The following CNTN6 variants were observed in gnomAD, a reference collection of about 807,000 sequenced individuals.
The protein encoded by CNTN6 is contactin-6.
CNTN6 carries 137 observed loss-of-function variants against 122.8 expected under a neutral mutation model. That is an observed-to-expected ratio of 1.12 (90% CI 0.97 to 1.29). CNTN6 has a LOEUF of 1.29. Among genes scored for constraint, CNTN6 ranks in the 50% most tolerant of loss-of-function variants. The pLI, the probability that CNTN6 is intolerant of heterozygous loss-of-function variation, is 0.00. For synonymous variants in CNTN6, 570 were observed against 426.0 expected, an observed-to-expected ratio of 1.34 and a Z score of -4.16; for missense variants, 1,634 against 1,223.4, an observed-to-expected ratio of 1.34 and a Z score of -5.01.
intron 7 of CNTN6, among the ~76,000 whole-genome samples, chr3:1,313,675 G>A (rs542218016): frequency 2.6e-5 from 4 of 152,170 alleles, no homozygotes; most frequent in East Asian, 1.9e-4. Flanking sequence ...TCCTCCCCAA[G>A]GGAAAGCTGA....
At position 1,373,961 on chromosome 3, in the gene CNTN6, A is replaced by G. The variant is rs762667314; in HGVS notation, c.1983A>G (p.Thr661=). ...EILNGKTYNA[T]VVGLSPWVEY... ...TCAATGGTAAGACATACAATGCAAC[A>G]GTGGTTGGTTTGAGTCCTTGGGTGG... is the stretch of plus-strand genomic sequence containing the variant. The change falls in exon 16 of 23, where the codon ACA becomes ACG. Residue 661 remains threonine, a synonymous_variant. Coordinates refer to ENST00000446702, the MANE Select transcript of CNTN6 (RefSeq NM_001289080.2). 1 of 1,613,178 alleles carries G rather than the reference A, an allele frequency of 6.2e-7. No individual in the cohort carries two copies. The highest frequency in any genetic ancestry group is 1.1e-5 in the South Asian group (1 of 91,042).
chr3:1,218,445 C>A (rs2094158805), intron 2 of CNTN6, among the ~76,000 whole-genome samples: 1 of 151,882 alleles, frequency 6.6e-6, no homozygotes, highest in African/African-American at 2.4e-5. Flanking sequence ...GGAGGCAGAC[C>A]CTAAACAGGG....
intron 6 of CNTN6, among the ~76,000 whole-genome samples, chr3:1,297,508 C>T (rs1336675747): frequency 6.6e-6 from 1 of 152,114 alleles, no homozygotes; most frequent in African/African-American, 2.4e-5. Flanking sequence ...TGAATATTTA[C>T]ATTTTTATCT....
At chr3:1,211,676 C>T (rs1026591921) in intron 2 of CNTN6, among the ~76,000 whole-genome samples, 2 of 152,086 alleles carry the variant, frequency 1.3e-5, no homozygotes, top group African/African-American at 4.8e-5. Flanking sequence ...CTACTTATCT[C>T]AATTTCTGCC....
chr3:1,315,288 C>T (rs1018735841), intron 7 of CNTN6, among the ~76,000 whole-genome samples: 1 of 151,974 alleles, frequency 6.6e-6, no homozygotes, highest in African/African-American at 2.4e-5. Context: ...CTAGTATCAA[C>T]ATGGACAAAC....
intron 16 of CNTN6, among the ~76,000 whole-genome samples, chr3:1,375,474 C>A (rs1356223353): frequency 6.6e-6 from 1 of 152,006 alleles, no homozygotes; most frequent in Non-Finnish European, 1.5e-5. Flanking sequence ...GGCTTAAGTA[C>A]AATTAATTTA....
In CNTN6 at chr3:1,374,905, A is replaced by T. The variant is rs949544706; in HGVS notation, c.2095+832A>T. Reference sequence around the variant, plus strand: ...GGGCTAGAAAAAGGACATACTTGACAGTGATATCATCCAATTAAATCACGC... The same window carrying T: ...GGGCTAGAAAAAGGACATACTTGACTGTGATATCATCCAATTAAATCACGC... On this transcript the variant is annotated intron_variant, in intron 16 of 22. Transcript: ENST00000446702. Among the ~76,000 whole-genome samples the T allele has an allele frequency of 2.6e-5, 4 of 152,130 alleles. No homozygotes were observed. The East Asian group carries it at 7.7e-4, about 29-fold the overall frequency.
chr3:1,375,290 G>T (rs1438442278), intron 16 of CNTN6, among the ~76,000 whole-genome samples: 1 of 151,970 alleles, frequency 6.6e-6, no homozygotes, highest in Non-Finnish European at 1.5e-5. Context: ...AGCAAAGTTT[G>T]TGTGCCACCT....
rs998437546 is a variant in CNTN6 at position 1,382,991 on chromosome 3, T to C, written c.2216T>C (p.Met739Thr). 1 of 1,614,110 alleles carries C rather than the reference T, an allele frequency of 6.2e-7. No homozygotes were observed. Among genetic ancestry groups the C allele is most frequent in the Non-Finnish European group, 8.5e-7 (1 of 1,179,962 alleles). ...GGGGAGGGATTTGGATATATCATCA[T>C]GTTCCGGCCAGTGGGCTCGACAACC... ...QNGEGFGYII[M>T]FRPVGSTTWS... is the part of the protein sequence containing the mutation. Residue 739 changes from methionine to threonine, a missense_variant, in exon 18 of 23, where the codon ATG (methionine) becomes ACG (threonine). Transcript: ENST00000446702.
rs768840573 is a variant in CNTN6, at chr3:1,220,693, G to T, written c.62G>T (p.Gly21Val). 3 of 1,603,112 alleles carry T rather than the reference G, an allele frequency of 1.9e-6. No homozygotes were observed. Among genetic ancestry groups the T allele is most frequent in the South Asian group, 2.3e-5 (2 of 88,414 alleles). Reference protein sequence around the residue: ...LPLINSSAGDGLLSRPIFTQE... With the variant: ...LPLINSSAGDVLLSRPIFTQE... ...TATTCTTTTCTTTTCCCAGGTGATGGTCTTTTAAGCCGTCCTATTTTTACT... is the reference window on the plus strand; with the variant it reads ...TATTCTTTTCTTTTCCCAGGTGATGTTCTTTTAAGCCGTCCTATTTTTACT... Residue 21 changes from glycine (G) to valine (V), a missense_variant, in exon 3 of 23, where the codon GGT becomes GTT. Coordinates refer to ENST00000446702, the MANE Select transcript of CNTN6 (RefSeq NM_001289080.2).
chr3:1,244,940 G>C (rs1460396256), intron 4 of CNTN6, among the ~76,000 whole-genome samples: 1 of 150,270 alleles, frequency 6.7e-6, no homozygotes, highest in Non-Finnish European at 1.5e-5. Flanking sequence ...TGATCAGTTA[G>C]GATGGGGCAG....
chr3:1,384,772 CATAT>C (rs66929153), intron 19 of CNTN6, among the ~76,000 whole-genome samples: 14,371 of 120,832 alleles, frequency 0.12, 1,004 homozygotes, highest in Non-Finnish European at 0.16. Context: ...TATATATACA[CATAT>C]ATATATATAT....
At chr3:1,305,582 T>A (rs762342094) in intron 7 of CNTN6, among the ~76,000 whole-genome samples, 1 of 152,312 alleles carries the variant, frequency 6.6e-6, no homozygotes, top group South Asian at 2.1e-4. Context: ...GAAAAAAATA[T>A]GGGCTCTTGC....
intron 20 of CNTN6, among the ~76,000 whole-genome samples, chr3:1,390,498 G>T (rs1693954771): frequency 6.6e-6 from 1 of 151,776 alleles, no homozygotes; most frequent in African/African-American, 2.4e-5. Context: ...ACAATTAAAA[G>T]AACTAGAAAA....
chr3:1,265,182 C>G (rs898440068), intron 4 of CNTN6, among the ~76,000 whole-genome samples: 1 of 150,968 alleles, frequency 6.6e-6, no homozygotes, highest in African/African-American at 2.4e-5. Context: ...GCAGATATCT[C>G]TTTGGCATAC....
At chr3:1,403,171 AAAATT>A (rs1452799967) in intron 22 of CNTN6, 142 bp from the exon 23 acceptor site, 3 of 555,486 alleles carry the variant, frequency 5.4e-6, no homozygotes, top group Non-Finnish European at 9.4e-6. Flanking sequence ...GGCACTTTCT[AAAATT>A]AAATATAATG....
intron 4 of CNTN6, among the ~76,000 whole-genome samples, chr3:1,267,551 G>T (rs567313021): frequency 1.3e-3 from 199 of 152,204 alleles, no homozygotes; most frequent in African/African-American, 4.6e-3. Context: ...CTTAGCTGTT[G>T]CCATCAAATA....
In CNTN6 at chr3:1,329,716, A is replaced by C. The variant is rs570875572; in HGVS notation, c.1214-69A>C. ...AATATTAGATTCTGTCTAGCATAGC[A>C]AGTCACCCCTGGAGTCACTACATGT... On this transcript the variant is annotated intron_variant, in intron 10 of 22. Coordinates refer to ENST00000446702, the MANE Select transcript of CNTN6 (RefSeq NM_001289080.2). The C allele has an allele frequency of 8.2e-5, 109 of 1,326,476 alleles. 1 individual carries two copies. The African/African-American group carries it at 1.3e-3, about 15-fold the overall frequency. 82.2% of individuals were successfully genotyped at this position (1,326,476 alleles called of 1,614,324 possible).
intron 12 of CNTN6, among the ~76,000 whole-genome samples, chr3:1,358,598 G>GT (rs563966864): frequency 7.4e-4 from 113 of 152,102 alleles, no homozygotes; most frequent in African/African-American, 2.6e-3. Flanking sequence ...GAGGAATGGG[G>GT]TTGAAGGGCG....
Sources: allele counts gnomAD v4.1 joint callset (sites outside exome capture counted in the v4.1 genomes callset), GRCh38; gene constraint gnomAD v4.1.1; transcripts MANE v1.5; gene names NCBI Gene and HGNC (gene_info 2026-07-23, HGNC 2026-07-21).